Variants in CCDC148 observed in about 807,000 individuals in gnomAD.
CCDC148 encodes coiled-coil domain-containing protein 148.
In CCDC148, 89 loss-of-function variants were observed where a neutral mutation model predicts 85.7. The ratio of observed to expected loss-of-function variants is 1.04; its 90% CI spans 0.87 to 1.24. The LOEUF is 1.24. CCDC148 is among the 50% of genes most tolerant of loss of function. CCDC148 has a pLI of 0.00. For missense variants in CCDC148, 692 were observed against 671.7 expected (o/e 1.03, Z -0.33); for synonymous variants, 230 against 213.9 (o/e 1.08, Z -0.66).
chr2:158,306,609 A>G (rs1202954223), intron 9 of CCDC148, among the ~76,000 whole-genome samples: 1 of 147,384 alleles, frequency 6.8e-6, no homozygotes, highest in Non-Finnish European at 1.5e-5. Context: ...GTTCTCACTC[A>G]TAGGTGGGAA....
At chr2:158,228,804 G>A (rs2105310630) in intron 10 of CCDC148, among the ~76,000 whole-genome samples, 1 of 132,332 alleles carries the variant, frequency 7.6e-6, no homozygotes, top group Middle Eastern at 3.9e-3. Flanking sequence ...ACCCGGGCCT[G>A]TTGTGGGGTT....
intron 8 of CCDC148, among the ~76,000 whole-genome samples, chr2:158,312,900 G>A (rs138121198): frequency 1.3e-5 from 2 of 152,286 alleles, no homozygotes; most frequent in Non-Finnish European, 2.9e-5. Context: ...GATGGGAATA[G>A]TACTTCTCCC....
intron 7 of CCDC148, among the ~76,000 whole-genome samples, chr2:158,333,503 G>A (rs993402315): frequency 6.6e-6 from 1 of 152,086 alleles, no homozygotes; most frequent in Non-Finnish European, 1.5e-5. Flanking sequence ...GTTGATTTGG[G>A]GTGGAGAGTT....
At chr2:158,206,294 A>C (rs12621122) in intron 11 of CCDC148, among the ~76,000 whole-genome samples, 7,793 of 152,248 alleles carry the variant, frequency 0.051, 230 homozygotes, top group Middle Eastern at 0.075. Context: ...CGAATGTAGA[A>C]TGGGCCTTAA....
At chr2:158,230,023 G>T (rs562069858) in intron 10 of CCDC148, among the ~76,000 whole-genome samples, 6 of 152,052 alleles carry the variant, frequency 3.9e-5, no homozygotes, top group African/African-American at 1.4e-4. Flanking sequence ...CCACAGGATC[G>T]GATCAAATAT....
intron 9 of CCDC148, among the ~76,000 whole-genome samples, chr2:158,251,290 C>T (rs1447384541): frequency 6.6e-6 from 1 of 151,622 alleles, no homozygotes; most frequent in Non-Finnish European, 1.5e-5. Context: ...TCCTAAAATG[C>T]TTAAAAGTTT....
At chr2:158,368,788 T>C (rs991530959) in intron 1 of CCDC148, among the ~76,000 whole-genome samples, 3 of 151,992 alleles carry the variant, frequency 2.0e-5, no homozygotes, top group East Asian at 1.9e-4. Flanking sequence ...AATAGATAAA[T>C]AAATGATATT....
chr2:158,393,247 A>G lies in CCDC148; in HGVS notation c.26-34677T>C, dbSNP rs544296198. ...GCTTACCATATTGCCTTAGATTTCAAATCAATAAAAATAGGTCGAATGCTG... is the reference window on the plus strand; with the variant it reads ...GCTTACCATATTGCCTTAGATTTCAGATCAATAAAAATAGGTCGAATGCTG... On this transcript the variant is annotated intron_variant, in intron 1 of 13. Transcript: ENST00000283233. The G allele has an allele frequency of 2.6e-5, 4 of 152,228 alleles. No individual in the cohort carries two copies. The South Asian group carries it at 8.3e-4, about 32-fold the overall frequency. The allele number at this position is 152,228 out of a possible 1,614,324, so 9.4% of individuals were successfully genotyped here. A position where few individuals can be genotyped will look rare whatever the true frequency, so the allele number is the denominator to read the frequency against.
At chr2:158,349,262 G>T (rs1488396075) in intron 2 of CCDC148, among the ~76,000 whole-genome samples, 3 of 151,832 alleles carry the variant, frequency 2.0e-5, no homozygotes, top group Non-Finnish European at 4.4e-5. Flanking sequence ...AATATTGCCA[G>T]AGAAAAGTGC....
chr2:158,394,517 A>G (rs886749601), intron 1 of CCDC148, among the ~76,000 whole-genome samples: 4 of 150,858 alleles, frequency 2.7e-5, no homozygotes, highest in African/African-American at 9.9e-5. Flanking sequence ...GCTGTCTAAT[A>G]AATAACAGTC....
At chr2:158,194,294 A>T (rs1445293044) in intron 11 of CCDC148, among the ~76,000 whole-genome samples, 2 of 152,174 alleles carry the variant, frequency 1.3e-5, no homozygotes, top group Non-Finnish European at 2.9e-5. Context: ...AAAACCAAGT[A>T]AAAGGAGTAG....
intron 9 of CCDC148, among the ~76,000 whole-genome samples, chr2:158,289,671 T>C (rs772548388): frequency 6.6e-6 from 1 of 152,190 alleles, no homozygotes; most frequent in Non-Finnish European, 1.5e-5. Context: ...AAAAATGCAG[T>C]GGTACCTTGC....
At chr2:158,400,410 C>A (rs148024734) in intron 1 of CCDC148, among the ~76,000 whole-genome samples, 2,310 of 152,220 alleles carry the variant, frequency 0.015, 72 homozygotes, top group African/African-American at 0.052. Context: ...TGCCACACAT[C>A]TACAACCATC....
intron 1 of CCDC148, among the ~76,000 whole-genome samples, chr2:158,444,126 C>G (rs1367342653): frequency 6.6e-6 from 1 of 152,028 alleles, no homozygotes. Context: ...TTTTTTTCTT[C>G]TAATATTTTA....
At chr2:158,193,192 G>T (rs549513527) in intron 11 of CCDC148, among the ~76,000 whole-genome samples, 2 of 152,202 alleles carry the variant, frequency 1.3e-5, no homozygotes, top group Admixed American at 6.5e-5. Context: ...GAAAATAATT[G>T]TATCAGTTTA....
At chr2:158,431,766 C>T (rs998020301) in intron 1 of CCDC148, among the ~76,000 whole-genome samples, 1 of 151,970 alleles carries the variant, frequency 6.6e-6, no homozygotes, top group Non-Finnish European at 1.5e-5. Flanking sequence ...TGGTGAAACA[C>T]TTCCTACTAA....
chr2:158,329,094 C>A (rs1032803570), intron 7 of CCDC148, among the ~76,000 whole-genome samples: 31 of 152,282 alleles, frequency 2.0e-4, no homozygotes, highest in African/African-American at 7.0e-4. Context: ...TTGCCCATGC[C>A]TATGTCCTGA....
chr2:158,296,715 A>G (rs917957252), intron 9 of CCDC148, among the ~76,000 whole-genome samples: 7 of 152,242 alleles, frequency 4.6e-5, no homozygotes, highest in Non-Finnish European at 8.8e-5. Context: ...TAAACTTTGT[A>G]AAATAGACCC....
chr2:158,283,786 A>AAAG (rs1257765635), intron 9 of CCDC148, among the ~76,000 whole-genome samples: 1 of 152,030 alleles, frequency 6.6e-6, no homozygotes, highest in Admixed American at 6.6e-5. Flanking sequence ...GTATATACCC[A>AAAG]AAGGACTATA....
Sources: allele counts gnomAD v4.1 joint callset (sites outside exome capture counted in the v4.1 genomes callset), GRCh38; gene constraint gnomAD v4.1.1; transcripts MANE v1.5; gene names NCBI Gene and HGNC (gene_info 2026-07-23, HGNC 2026-07-21).